The following MTMR10 variants were observed in gnomAD, a reference collection of about 807,000 sequenced individuals.
MTMR10 encodes the protein myotubularin-related protein 10.
A neutral mutation model predicts 88.1 loss-of-function variants in MTMR10; 56 were observed. The ratio of observed to expected loss-of-function variants is 0.64; its 90% CI spans 0.51 to 0.79. The LOEUF is 0.79. Among genes scored for constraint, MTMR10 ranks in the 30% least tolerant of loss-of-function variants. The probability of loss-of-function intolerance (pLI) is 0.00; values close to 1 mark genes in which losing one functional copy is unlikely to be tolerated. For missense variants in MTMR10, 883 were observed against 924.7 expected, an observed-to-expected ratio of 0.95 and a Z score of 0.58; for synonymous variants, 380 against 340.9, an observed-to-expected ratio of 1.11 and a Z score of -1.26.
At chr15:30,982,141 G>A (rs574089915) in intron 2 of MTMR10, among the ~76,000 whole-genome samples, 2 of 152,100 alleles carry the variant, frequency 1.3e-5, no homozygotes, top group South Asian at 4.2e-4. Context: ...TCAAGGTCTT[G>A]AAAGATGAGA....
Position 30,941,846 on chromosome 15 carries a change from T to C in MTMR10, c.1958A>G (p.His653Arg), listed in dbSNP as rs765542314. ...GVILPRVSGT[H>R]IKLWKLCYFR... ...GTAGCACAGTTTCCACAGTTTTATG[T>C]GTGTTCCAGAGACACGTGGCAGAAT... Residue 653 changes from histidine to arginine, a missense_variant, in exon 16 of 16, where the codon CAC (histidine) becomes CGC (arginine). This residue lies in a region of MTMR10 where 343 missense variants were observed against 323.2 expected (regional missense o/e 1.06). Transcript: ENST00000435680. 1.2e-6 allele frequency: 2 copies of C among 1,614,044 alleles called. No individual in the cohort carries two copies. Among genetic ancestry groups the C allele is most frequent in the Middle Eastern group, 1.6e-4 (1 of 6,062 alleles).
intron 12 of MTMR10, 116 bp from the exon 13 acceptor site, chr15:30,948,587 C>A: frequency 9.6e-7 from 1 of 1,036,730 alleles, no homozygotes; most frequent in South Asian, 1.6e-5. Flanking sequence ...CCTTCCAAAT[C>A]TGTATAAGGA....
intron 2 of MTMR10, among the ~76,000 whole-genome samples, chr15:30,984,077 G>C (rs1039743622): frequency 2.6e-5 from 4 of 152,212 alleles, no homozygotes; most frequent in Non-Finnish European, 5.9e-5. Context: ...AGAGACCAAG[G>C]AAGCGGCATG....
the MTMR10 span, among the ~76,000 whole-genome samples, chr15:30,922,820 T>C: frequency 2.6e-5 from 4 of 152,374 alleles, no homozygotes; most frequent in East Asian, 7.7e-4. Context: ...TCTGTACTTC[T>C]GTGAGGTGTT....
the MTMR10 span, chr15:30,927,063 G>T: frequency 1.0e-6 from 1 of 975,376 alleles, no homozygotes; most frequent in Non-Finnish European, 1.2e-6. Flanking sequence ...TGTAATCCCA[G>T]CACTTGGGGA....
At chr15:30,924,156 G>T in the MTMR10 span, among the ~76,000 whole-genome samples, 20 of 152,314 alleles carry the variant, frequency 1.3e-4, no homozygotes, top group East Asian at 3.3e-3. Context: ...AGCTTCACCC[G>T]CATCGTGGCA....
At chr15:30,962,385 G>A (rs35784593) in intron 6 of MTMR10, among the ~76,000 whole-genome samples, 40,423 of 152,110 alleles carry the variant, frequency 0.27, 5,900 homozygotes, top group Non-Finnish European at 0.33. Context: ...CATCCCCAAT[G>A]GAATATTCTG....
chr15:30,955,035 A>C (rs74574398), intron 9 of MTMR10, 142 bp from the exon 10 acceptor site: 1 of 634,278 alleles, frequency 1.6e-6, no homozygotes, highest in Non-Finnish European at 2.4e-6. Context: ...TTTTTTTTTA[A>C]GACAGAACCA....
the MTMR10 span, chr15:30,928,324 C>T: frequency 7.7e-7 from 1 of 1,296,158 alleles, no homozygotes. Context: ...TTGAATTTTT[C>T]TATGATTACT....
chr15:30,939,587 T>G lies in MTMR10; in HGVS notation c.*1883A>C, dbSNP rs559892648. 2.2e-5 allele frequency: 21 copies of G among 942,816 alleles called. No homozygotes were observed. In the East Asian group the frequency reaches 1.6e-3, roughly 73 times the overall value. The allele number at this position is 942,816 out of a possible 1,614,324, so 58.4% of individuals were successfully genotyped here. Reference sequence around the variant, plus strand: ...TACAAAAATATGCATTTTTCTATTTTTAACCATTATTAATAGTACCTAATA... The same window carrying G: ...TACAAAAATATGCATTTTTCTATTTGTAACCATTATTAATAGTACCTAATA... On this transcript the variant is annotated 3_prime_UTR_variant, in exon 16 of 16. Coordinates refer to ENST00000435680, the MANE Select transcript of MTMR10 (RefSeq NM_017762.3).
chr15:30,939,991 C>A lies in MTMR10; in HGVS notation c.*1479G>T, dbSNP rs1022703183. The A allele has an allele frequency of 3.8e-5, 37 of 977,476 alleles. No homozygotes were observed. The African/African-American group carries it at 6.1e-4, about 16-fold the overall frequency. The allele number at this position is 977,476 out of a possible 1,614,324, so 60.6% of individuals were successfully genotyped here. ...AGAGACATTATCAAATTTTAAAAGGCAAATAATTCAAAAAGAAACAGCTAT... is the reference window on the plus strand; with the variant it reads ...AGAGACATTATCAAATTTTAAAAGGAAAATAATTCAAAAAGAAACAGCTAT... On this transcript the variant is annotated 3_prime_UTR_variant, in exon 16 of 16. Coordinates refer to ENST00000435680, the MANE Select transcript of MTMR10 (RefSeq NM_017762.3).
the MTMR10 span, among the ~76,000 whole-genome samples, chr15:30,924,094 A>G: frequency 6.6e-6 from 1 of 152,140 alleles, no homozygotes; most frequent in Non-Finnish European, 1.5e-5. Context: ...GTGGAATCCT[A>G]CGATATTTGT....
chr15:30,947,879 C>T (rs550267067), intron 13 of MTMR10, among the ~76,000 whole-genome samples: 232 of 152,280 alleles, frequency 1.5e-3, no homozygotes, highest in Non-Finnish European at 2.6e-3. Context: ...TAAGGCCTTC[C>T]GCAGCCTAAC....
the MTMR10 span, chr15:30,928,786 C>A: frequency 1.3e-6 from 2 of 1,498,372 alleles, no homozygotes; most frequent in East Asian, 2.4e-5. Context: ...ATCCACAGGT[C>A]AAGATGATAA....
chr15:30,951,355 G>T (rs2063243072), intron 12 of MTMR10, among the ~76,000 whole-genome samples: 1 of 152,152 alleles, frequency 6.6e-6, no homozygotes, highest in Non-Finnish European at 1.5e-5. Context: ...CAAAATTACA[G>T]AGAGAGAATG....
the MTMR10 span, chr15:30,928,476 GTGT>G: frequency 1.3e-6 from 2 of 1,574,858 alleles, no homozygotes; most frequent in Non-Finnish European, 1.7e-6. Context: ...GGTTATGGTG[GTGT>G]TTTGGAAGAA....
the MTMR10 span, chr15:30,928,486 A>G: frequency 6.3e-7 from 1 of 1,582,596 alleles, no homozygotes; most frequent in Non-Finnish European, 8.6e-7. Flanking sequence ...GTGTTTTGGA[A>G]GAAACAGATA....
intron 12 of MTMR10, among the ~76,000 whole-genome samples, chr15:30,950,670 C>CA (rs35764283): frequency 0.44 from 62,965 of 142,106 alleles, 14,252 homozygotes; most frequent in East Asian, 0.85. Flanking sequence ...AACTCCATCT[C>CA]AAAAAAAAAA....
chr15:30,929,371 C>G, the MTMR10 span: 1 of 1,607,524 alleles, frequency 6.2e-7, no homozygotes, highest in Non-Finnish European at 8.5e-7. Context: ...CAGCTGGGAT[C>G]GCTTCACGTC....
Sources: allele counts gnomAD v4.1 joint callset (sites outside exome capture counted in the v4.1 genomes callset), GRCh38; gene constraint gnomAD v4.1.1; regional missense constraint gnomAD v4.1.1; transcripts MANE v1.5; gene names NCBI Gene and HGNC (gene_info 2026-07-23, HGNC 2026-07-21).